Variants in KCNMA1 observed in about 807,000 individuals in gnomAD.
KCNMA1 encodes the protein potassium calcium-activated channel subfamily M alpha 1.
In KCNMA1, 29 loss-of-function variants were observed where a neutral mutation model predicts 140.0. That is an observed-to-expected ratio of 0.21 (90% CI 0.15 to 0.28). The LOEUF (loss-of-function observed/expected upper bound fraction) is 0.28. Ranked by LOEUF, KCNMA1 falls within the 10% of genes least tolerant of loss-of-function variation. KCNMA1 has a pLI of 1.00. For missense variants in KCNMA1, 880 were observed against 1,602.2 expected (o/e 0.55, Z 7.70); for synonymous variants, 612 against 611.9 (o/e 1.00, Z 0.00).
intron 1 of KCNMA1, among the ~76,000 whole-genome samples, chr10:77,631,443 C>T (rs2093192924): frequency 6.6e-6 from 1 of 152,204 alleles, no homozygotes; most frequent in South Asian, 2.1e-4. Flanking sequence ...CACAAACAGC[C>T]CTTTCACTGG....
intron 17 of KCNMA1, among the ~76,000 whole-genome samples, chr10:77,016,242 A>G (rs10824483): frequency 6.6e-6 from 1 of 151,756 alleles, no homozygotes; most frequent in Non-Finnish European, 1.5e-5. Context: ...TCAAATACCA[A>G]CCCCTCTGAG....
intron 1 of KCNMA1, among the ~76,000 whole-genome samples, chr10:77,485,274 G>A (rs2098447750): frequency 1.3e-5 from 2 of 152,230 alleles, no homozygotes; most frequent in Non-Finnish European, 2.9e-5. Context: ...ATTTTAAAGA[G>A]TGATAAACGT....
chr10:77,133,125 T>C (rs1448965148), intron 5 of KCNMA1, among the ~76,000 whole-genome samples: 4 of 126,718 alleles, frequency 3.2e-5, no homozygotes, highest in African/African-American at 1.1e-4. Flanking sequence ...ATAAATTCCA[T>C]AGCCTAGAGA....
chr10:77,154,918 T>G (rs1564861828), intron 5 of KCNMA1, among the ~76,000 whole-genome samples: 1 of 152,240 alleles, frequency 6.6e-6, no homozygotes. Flanking sequence ...CACTTTAGAC[T>G]GTGTGGCCAC....
rs554573192 is a variant in KCNMA1 at position 76,996,521 on chromosome 10, C to T, written c.2266+4886G>A. Among the ~76,000 whole-genome samples, 49 of 152,254 alleles carry T rather than the reference C, an allele frequency of 3.2e-4. 1 individual carries two copies. The highest frequency in any genetic ancestry group is 9.9e-4 in the African/African-American group (41 of 41,552). ...TGAAGTACAAAGGGTCAAATCAAGA[C>T]GCATGGGCCAGGGTAACTAAAGAGC... On this transcript the variant is annotated intron_variant, in intron 19 of 27. Transcript: ENST00000286628.
chr10:77,167,496 C>G (rs1251440785), intron 5 of KCNMA1, among the ~76,000 whole-genome samples: 1 of 151,942 alleles, frequency 6.6e-6, no homozygotes, highest in African/African-American at 2.4e-5. Context: ...AAACTCCAAG[C>G]CTAGGACAAC....
intron 23 of KCNMA1, among the ~76,000 whole-genome samples, chr10:76,926,875 C>T (rs1303240893): frequency 6.6e-6 from 1 of 152,174 alleles, no homozygotes; most frequent in African/African-American, 2.4e-5. Flanking sequence ...GTAGCTTGCA[C>T]ATCACAACTC....
At chr10:77,556,502 CAA>C (rs11446237) in intron 1 of KCNMA1, among the ~76,000 whole-genome samples, 4 of 68,894 alleles carry the variant, frequency 5.8e-5, no homozygotes, top group African/African-American at 1.4e-4. Flanking sequence ...GGGACTATCT[CAA>C]AAAAAAAAAA....
rs1589503839 is a variant in KCNMA1 at position 76,885,673 on chromosome 10, A to G, written c.*1593T>C. ...AGTAAAACTTTTCAAATATGTATAT[A>G]CCAGCCTAGTCCATCCATAAGGGAA... On this transcript the variant is annotated 3_prime_UTR_variant, in exon 28 of 28. Coordinates refer to ENST00000286628, the MANE Select transcript of KCNMA1 (RefSeq NM_001161352.2). The G allele has an allele frequency of 1.0e-6, 1 of 985,208 alleles. No individual in the cohort carries two copies. Among genetic ancestry groups the G allele is most frequent in the African/African-American group, 1.7e-5 (1 of 57,214 alleles). 61.0% of individuals were successfully genotyped at this position (985,208 alleles called of 1,614,324 possible).
intron 19 of KCNMA1, among the ~76,000 whole-genome samples, chr10:76,994,504 C>T (rs1184867413): frequency 6.6e-6 from 1 of 152,206 alleles, no homozygotes; most frequent in East Asian, 1.9e-4. Context: ...GTCAACAAGT[C>T]TCACTCCCTT....
intron 6 of KCNMA1, among the ~76,000 whole-genome samples, chr10:77,116,208 A>G (rs923230293): frequency 6.6e-6 from 1 of 152,176 alleles, no homozygotes; most frequent in African/African-American, 2.4e-5. Flanking sequence ...AATCATTCTC[A>G]TGTTGCCTAT....
intron 1 of KCNMA1, among the ~76,000 whole-genome samples, chr10:77,469,674 C>T (rs1396648365): frequency 2.0e-5 from 3 of 152,206 alleles, no homozygotes; most frequent in Admixed American, 6.5e-5. Flanking sequence ...TCTCTGCTGC[C>T]TCAGCAAGGA....
intron 5 of KCNMA1, among the ~76,000 whole-genome samples, chr10:77,181,035 C>A (rs1260631129): frequency 6.6e-6 from 1 of 152,150 alleles, no homozygotes; most frequent in Non-Finnish European, 1.5e-5. Flanking sequence ...GGGCTCCACA[C>A]TTTTACCGGG....
chr10:77,392,993 G>A (rs2095887723), intron 2 of KCNMA1, among the ~76,000 whole-genome samples: 1 of 152,230 alleles, frequency 6.6e-6, no homozygotes, highest in Non-Finnish European at 1.5e-5. Flanking sequence ...TACAGCTCCA[G>A]GGAGAGCCCA....
Position 77,463,694 on chromosome 10 carries a change from T to C in KCNMA1, c.379-59671A>G, listed in dbSNP as rs2097921248. ...CAGACTCCTGAGCCAGGAGGCCTCA[T>C]GCAACCCAGCTGAGAAGTGCTGTTT... On this transcript the variant is annotated intron_variant, in intron 1 of 27. Transcript: ENST00000286628. Among the ~76,000 whole-genome samples the C allele has an allele frequency of 2.0e-5, 3 of 152,098 alleles. No individual in the cohort carries two copies. The South Asian group carries it at 6.2e-4, about 32-fold the overall frequency.
In KCNMA1 at chr10:77,289,467, C is replaced by A. The variant is rs148768358; in HGVS notation, c.541-38211G>T. On this transcript the variant is annotated intron_variant, in intron 2 of 27. Transcript: ENST00000286628. ...AGCAGCGGAAGTTACCAAGGGCCCA[C>A]AAGGTGTCAGCATCTGGGACAGAAA... Among the ~76,000 whole-genome samples the A allele has an allele frequency of 2.6e-3, 402 of 152,344 alleles. 3 individuals are homozygous for A. Among genetic ancestry groups the A allele is most frequent in the African/African-American group, 8.9e-3 (371 of 41,576 alleles).
chr10:77,015,753 T>A (rs2091902597), intron 17 of KCNMA1, among the ~76,000 whole-genome samples: 1 of 152,044 alleles, frequency 6.6e-6, no homozygotes, highest in South Asian at 2.1e-4. Flanking sequence ...CTAGCCTTCA[T>A]CCTTCATTCC....
At chr10:77,424,385 G>A (rs1405213145) in intron 1 of KCNMA1, among the ~76,000 whole-genome samples, 2 of 152,190 alleles carry the variant, frequency 1.3e-5, no homozygotes, top group Non-Finnish European at 2.9e-5. Flanking sequence ...GGCTCAGAGA[G>A]GTCAAGGCAC....
At chr10:77,411,224 G>A (rs745655210) in intron 1 of KCNMA1, among the ~76,000 whole-genome samples, 16 of 151,832 alleles carry the variant, frequency 1.1e-4, no homozygotes, top group Non-Finnish European at 2.1e-4. Context: ...ATTTATGGCT[G>A]TATCTTCAAT....
Sources: gnomAD v4.1 joint callset for allele counts (sites outside exome capture counted in the v4.1 genomes callset) on GRCh38, gnomAD v4.1.1 for gene constraint, MANE v1.5 for transcripts, NCBI Gene and HGNC (gene_info 2026-07-23, HGNC 2026-07-21) for gene names.